The following MAPK8 variants were observed in gnomAD, a reference collection of about 807,000 sequenced individuals.
MAPK8 encodes mitogen-activated protein kinase 8.
MAPK8 carries 13 observed loss-of-function variants against 52.9 expected under a neutral mutation model. The ratio of observed to expected loss-of-function variants is 0.25; its 90% CI spans 0.16 to 0.39. MAPK8 has a LOEUF of 0.39. Among genes scored for constraint, MAPK8 ranks in the 10% least tolerant of loss-of-function variants. MAPK8 has a pLI of 1.00. For synonymous variants in MAPK8, 191 were observed against 169.8 expected, an observed-to-expected ratio of 1.12 and a Z score of -0.97; for missense variants, 300 against 519.2, an observed-to-expected ratio of 0.58 and a Z score of 4.10.
chr10:48,380,173 C>T (rs965926655), intron 1 of MAPK8, among the ~76,000 whole-genome samples: 4 of 151,470 alleles, frequency 2.6e-5, no homozygotes, highest in Non-Finnish European at 4.4e-5. Context: ...ACCTGGGAGG[C>T]GGATGTTGCA....
chr10:48,413,818 TATATATATATA>T (rs2042899376), intron 5 of MAPK8, among the ~76,000 whole-genome samples: 1 of 58,934 alleles, frequency 1.7e-5, no homozygotes, highest in Non-Finnish European at 3.4e-5. Flanking sequence ...AGAATTGTTA[TATATATATATA>T]TATATATATA....
chr10:48,343,841 T>G (rs935569169), intron 1 of MAPK8, among the ~76,000 whole-genome samples: 1 of 152,252 alleles, frequency 6.6e-6, no homozygotes, highest in African/African-American at 2.4e-5. Flanking sequence ...CATTGTATAC[T>G]GTTGATACCA....
chr10:48,357,771 A>G (rs932372674), intron 1 of MAPK8, among the ~76,000 whole-genome samples: 3 of 152,176 alleles, frequency 2.0e-5, no homozygotes, highest in African/African-American at 7.2e-5. Context: ...TACATTTAGA[A>G]TGTTGTGCAT....
chr10:48,309,013 G>T (rs971985390), intron 1 of MAPK8, among the ~76,000 whole-genome samples: 1 of 152,150 alleles, frequency 6.6e-6, no homozygotes, highest in South Asian at 2.1e-4. Context: ...ACTTTTTTAA[G>T]ATGATGGTTG....
rs76655267 is a variant in MAPK8, at chr10:48,316,904, C to T, written c.-50+10083C>T. Among the ~76,000 whole-genome samples, 733 of 152,246 alleles carry T rather than the reference C, an allele frequency of 4.8e-3. 6 individuals are homozygous for T. Among genetic ancestry groups the T allele is most frequent in the African/African-American group, 0.016 (671 of 41,548 alleles). ...AGCTAGAAACAAAAAGTTAGAACCT[C>T]GGGAAAACAAGTATCCAGACTATCC... On this transcript the variant is annotated intron_variant, in intron 1 of 11. Transcript: ENST00000374189.
chr10:48,314,756 T>C (rs1336672794), intron 1 of MAPK8, among the ~76,000 whole-genome samples: 1 of 152,222 alleles, frequency 6.6e-6, no homozygotes, highest in African/African-American at 2.4e-5. Context: ...TTGCATGTTT[T>C]TCTATTGCTT....
At position 48,420,252 on chromosome 10, in the gene MAPK8, C is replaced by T; in HGVS notation, c.548C>T (p.Thr183Met). Residue 183 changes from threonine (T) to methionine (M), a missense_variant, in exon 6 of 12, where the codon ACG becomes ATG. By Grantham distance (81) the Thr-to-Met change is moderately conservative. Coordinates refer to ENST00000374189, the MANE Select transcript of MAPK8 (RefSeq NM_001323329.2). Reference protein sequence around the residue: ...ARTAGTSFMMTPYVVTRYYRA... With the variant: ...ARTAGTSFMMMPYVVTRYYRA... ...ACTGCAGGAACGAGTTTTATGATGA[C>T]GCCTTATGTAGTGACTCGCTACTAC... 2 of 1,613,826 alleles carry T rather than the reference C, an allele frequency of 1.2e-6. No homozygotes were observed. Among genetic ancestry groups the T allele is most frequent in the Non-Finnish European group, 1.7e-6 (2 of 1,179,828 alleles).
At position 48,436,038 on chromosome 10, in the gene MAPK8, G is replaced by C. The variant is rs2044826798; in HGVS notation, c.*1009G>C. 6.6e-6 allele frequency: 1 copy of C among 152,130 alleles called. No individual in the cohort carries two copies. The highest frequency in any genetic ancestry group is 2.4e-5 in the African/African-American group (1 of 41,430). The allele number at this position is 152,130 out of a possible 1,614,324, so 9.4% of individuals were successfully genotyped here. Reference sequence around the variant, plus strand: ...AGTGTCTGTCAGTTGAGCACCAGTTGTTCTGGTGTTTCATTTGATTCTACT... The same window carrying C: ...AGTGTCTGTCAGTTGAGCACCAGTTCTTCTGGTGTTTCATTTGATTCTACT... On this transcript the variant is annotated 3_prime_UTR_variant, in exon 12 of 12. Transcript: ENST00000374189.
At chr10:48,378,862 C>G (rs1410087881) in intron 1 of MAPK8, among the ~76,000 whole-genome samples, 1 of 152,130 alleles carries the variant, frequency 6.6e-6, no homozygotes, top group African/African-American at 2.4e-5. Context: ...AATTCCTGGG[C>G]TCAAGTGATC....
chr10:48,367,781 A>G (rs1848190743), intron 1 of MAPK8, among the ~76,000 whole-genome samples: 1 of 152,216 alleles, frequency 6.6e-6, no homozygotes, highest in Non-Finnish European at 1.5e-5. Context: ...AACGAAAGAT[A>G]CCATTTCTTG....
intron 1 of MAPK8, among the ~76,000 whole-genome samples, chr10:48,326,184 T>C (rs1475513690): frequency 6.6e-6 from 1 of 152,224 alleles, no homozygotes; most frequent in African/African-American, 2.4e-5. Flanking sequence ...TTGGAATCCT[T>C]CTGTGCAGGA....
chr10:48,404,786 T>G, intron 2 of MAPK8, 66 bp from the exon 3 acceptor site: 2 of 1,301,294 alleles, frequency 1.5e-6, no homozygotes, highest in Non-Finnish European at 2.2e-6. Context: ...TATGACTGTT[T>G]CATGAATTCA....
chr10:48,367,316 A>G (rs539545571), intron 1 of MAPK8, among the ~76,000 whole-genome samples: 1 of 152,228 alleles, frequency 6.6e-6, no homozygotes, highest in South Asian at 2.1e-4. Context: ...CAAGTGAGCC[A>G]TGCTTGTGCC....
chr10:48,362,978 A>T (rs560083755), intron 1 of MAPK8, among the ~76,000 whole-genome samples: 1 of 152,056 alleles, frequency 6.6e-6, no homozygotes, highest in South Asian at 2.1e-4. Flanking sequence ...TGACTTCATG[A>T]TCCGCCCACT....
At chr10:48,327,935 T>C (rs1843693975) in intron 1 of MAPK8, among the ~76,000 whole-genome samples, 1 of 152,250 alleles carries the variant, frequency 6.6e-6, no homozygotes, top group South Asian at 2.1e-4. Flanking sequence ...TATTCCTTTG[T>C]TGTACTTTTA....
intron 1 of MAPK8, among the ~76,000 whole-genome samples, chr10:48,307,838 G>A (rs977385047): frequency 6.6e-6 from 1 of 152,144 alleles, no homozygotes; most frequent in Non-Finnish European, 1.5e-5. Context: ...CAGCTGTTTA[G>A]TACCGTACTC....
chr10:48,438,298 A>G lies in MAPK8; in HGVS notation c.*3269A>G, dbSNP rs1679634334. On this transcript the variant is annotated 3_prime_UTR_variant, in exon 12 of 12. Coordinates refer to ENST00000374189, the MANE Select transcript of MAPK8 (RefSeq NM_001323329.2). ...GCATTTTTGTGTGCATTGTGTTTCTACTGATCTCTCTTAGGTTTTTACGGA... is the reference window on the plus strand; with the variant it reads ...GCATTTTTGTGTGCATTGTGTTTCTGCTGATCTCTCTTAGGTTTTTACGGA... 6.6e-6 allele frequency: 1 copy of G among 152,168 alleles called. No homozygotes were observed. Among genetic ancestry groups the G allele is most frequent in the Non-Finnish European group, 1.5e-5 (1 of 68,034 alleles). The allele number at this position is 152,168 out of a possible 1,614,324, so 9.4% of individuals were successfully genotyped here.
intron 1 of MAPK8, among the ~76,000 whole-genome samples, chr10:48,391,882 G>A (rs921997165): frequency 1.3e-5 from 2 of 152,142 alleles, no homozygotes; most frequent in African/African-American, 4.8e-5. Flanking sequence ...TTATTATAAA[G>A]GATATTACAA....
intron 1 of MAPK8, among the ~76,000 whole-genome samples, chr10:48,339,727 G>A (rs7070548): frequency 0.023 from 3,447 of 151,966 alleles, 141 homozygotes; most frequent in African/African-American, 0.079. Context: ...AAAATAACTC[G>A]ATTAAAAAGT....
Sources: allele counts gnomAD v4.1 joint callset (sites outside exome capture counted in the v4.1 genomes callset), GRCh38; gene constraint gnomAD v4.1.1; transcripts MANE v1.5; gene names NCBI Gene and HGNC (gene_info 2026-07-23, HGNC 2026-07-21).